Variants in CSMD1 observed in about 807,000 individuals in gnomAD.
CSMD1 encodes the protein CUB and Sushi multiple domains 1.
Under a neutral mutation model 417.5 loss-of-function variants are expected in CSMD1, and 213 were observed. The ratio of observed to expected loss-of-function variants is 0.51; its 90% confidence interval spans 0.46 to 0.57. The LOEUF (loss-of-function observed/expected upper bound fraction) is 0.57. Among genes scored for constraint, CSMD1 ranks in the 20% least tolerant of loss-of-function variants. The pLI is 0.00. For missense variants in CSMD1, 6,923 were observed against 4,529.7 expected, an observed-to-expected ratio of 1.53 and a Z score of -15.17; for synonymous variants, 2,862 against 1,736.8, an observed-to-expected ratio of 1.65 and a Z score of -16.11.
chr8:3,176,278 ATAAT>A (rs1166156881), intron 37 of CSMD1, among the ~76,000 whole-genome samples: 3 of 152,200 alleles, frequency 2.0e-5, no homozygotes, highest in Non-Finnish European at 4.4e-5. Flanking sequence ...CATTCTGCTA[ATAAT>A]TAATCTTTAA....
intron 10 of CSMD1, among the ~76,000 whole-genome samples, chr8:3,516,065 C>A (rs144714860): frequency 1.3e-5 from 2 of 152,130 alleles, no homozygotes; most frequent in African/African-American, 4.8e-5. Flanking sequence ...TACTGTAGAA[C>A]TGGGAAACTG....
intron 2 of CSMD1, among the ~76,000 whole-genome samples, chr8:4,455,807 T>A (rs980730544): frequency 2.0e-5 from 3 of 151,038 alleles, no homozygotes; most frequent in Non-Finnish European, 4.4e-5. Context: ...GGCATGTGCC[T>A]GGAATCCCAG....
At chr8:3,922,749 T>C (rs969761567) in intron 5 of CSMD1, among the ~76,000 whole-genome samples, 4 of 152,324 alleles carry the variant, frequency 2.6e-5, no homozygotes, top group Admixed American at 2.0e-4. Context: ...TAACCAATTA[T>C]TGTAGGTATG....
intron 3 of CSMD1, among the ~76,000 whole-genome samples, chr8:4,148,662 G>C (rs568093227): frequency 4.1e-4 from 62 of 152,258 alleles, no homozygotes; most frequent in African/African-American, 1.3e-3. Flanking sequence ...GGCAGAGAGA[G>C]GAGCGTGCCC....
intron 1 of CSMD1, among the ~76,000 whole-genome samples, chr8:4,707,445 G>C (rs1390331210): frequency 2.0e-5 from 3 of 152,182 alleles, no homozygotes; most frequent in East Asian, 1.9e-4. Flanking sequence ...TGCTGATGGT[G>C]GAAGGTCAGA....
chr8:3,954,795 G>T (rs1413971677), intron 5 of CSMD1, among the ~76,000 whole-genome samples: 1 of 151,592 alleles, frequency 6.6e-6, no homozygotes. Context: ...CATGCACGCA[G>T]AGCCTCCTTG....
chr8:4,330,598 A>G (rs1368529655), intron 3 of CSMD1, among the ~76,000 whole-genome samples: 1 of 151,866 alleles, frequency 6.6e-6, no homozygotes, highest in Non-Finnish European at 1.5e-5. Flanking sequence ...TCAAAAAAAA[A>G]AAAAGTATTT....
chr8:3,664,684 G>A (rs1031378471), intron 7 of CSMD1, among the ~76,000 whole-genome samples: 2 of 152,210 alleles, frequency 1.3e-5, no homozygotes, highest in Non-Finnish European at 1.5e-5. Context: ...TCAAGAAGCT[G>A]AAAAGAGCTG....
intron 3 of CSMD1, among the ~76,000 whole-genome samples, chr8:4,251,801 G>A (rs768295930): frequency 2.0e-5 from 3 of 151,326 alleles, no homozygotes; most frequent in Admixed American, 1.3e-4. Context: ...GAGGAAAGAT[G>A]GAGAAGGACA....
intron 3 of CSMD1, among the ~76,000 whole-genome samples, chr8:4,155,967 T>G (rs556451778): frequency 2.0e-5 from 3 of 152,136 alleles, no homozygotes; most frequent in Admixed American, 6.5e-5. Context: ...AATCATCAAG[T>G]CACCAAAGTC....
chr8:2,986,612 C>G (rs186428560), intron 54 of CSMD1, among the ~76,000 whole-genome samples: 158 of 152,256 alleles, frequency 1.0e-3, no homozygotes, highest in African/African-American at 3.7e-3. Context: ...TCACACCATT[C>G]TCCTGCCTCA....
intron 3 of CSMD1, among the ~76,000 whole-genome samples, chr8:4,176,015 G>A (rs570747500): frequency 2.6e-4 from 39 of 152,154 alleles, no homozygotes; most frequent in African/African-American, 3.9e-4. Flanking sequence ...CAGGCTTCTC[G>A]CCATAGCCAT....
intron 6 of CSMD1, among the ~76,000 whole-genome samples, chr8:3,737,465 T>C (rs749616188): frequency 1.3e-5 from 2 of 152,246 alleles, no homozygotes; most frequent in Non-Finnish European, 2.9e-5. Flanking sequence ...AATTGTTAAA[T>C]GCCATCATCT....
chr8:3,663,846 A>T (rs1798546154), intron 7 of CSMD1, among the ~76,000 whole-genome samples: 1 of 152,186 alleles, frequency 6.6e-6, no homozygotes, highest in South Asian at 2.1e-4. Context: ...GGCACGTGTT[A>T]TCAGGATCTT....
At chr8:3,700,096 G>A (rs948805562) in intron 7 of CSMD1, among the ~76,000 whole-genome samples, 4 of 152,160 alleles carry the variant, frequency 2.6e-5, no homozygotes, top group African/African-American at 9.7e-5. Context: ...AGGGCTCTGT[G>A]GACGTTGGGG....
intron 3 of CSMD1, among the ~76,000 whole-genome samples, chr8:4,335,153 C>T (rs1447206399): frequency 2.6e-5 from 4 of 152,100 alleles, no homozygotes; most frequent in African/African-American, 9.7e-5. Context: ...TCACCCTCCT[C>T]ACAGCCTCCC....
At chr8:4,681,945 T>G (rs796162850) in intron 1 of CSMD1, among the ~76,000 whole-genome samples, 7 of 152,296 alleles carry the variant, frequency 4.6e-5, no homozygotes, top group African/African-American at 1.7e-4. Context: ...TTGATTTATT[T>G]TCTTTGCTTT....
chr8:3,243,971 C>T (rs1037763897), intron 26 of CSMD1, among the ~76,000 whole-genome samples: 3 of 152,068 alleles, frequency 2.0e-5, no homozygotes, highest in Non-Finnish European at 2.9e-5. Context: ...CATAGAAGTA[C>T]GTTTGCTTAG....
At chr8:4,399,772 G>A (rs1212747343) in intron 3 of CSMD1, among the ~76,000 whole-genome samples, 1 of 152,142 alleles carries the variant, frequency 6.6e-6, no homozygotes, top group Non-Finnish European at 1.5e-5. Flanking sequence ...TTTTCCTCAT[G>A]TGAGTCTATT....
Sources: gnomAD v4.1 joint callset for allele counts (sites outside exome capture counted in the v4.1 genomes callset) on GRCh38, gnomAD v4.1.1 for gene constraint, MANE v1.5 for transcripts, NCBI Gene and HGNC (gene_info 2026-07-23, HGNC 2026-07-21) for gene names.